Variants in NDUFAF4 observed in about 807,000 individuals in gnomAD.
The protein encoded by NDUFAF4 is NADH:ubiquinone oxidoreductase complex assembly factor 4.
Under a neutral mutation model 15.6 loss-of-function variants are expected in NDUFAF4, and 10 were observed. The observed-to-expected ratio is 0.64, with a 90% CI of 0.40 to 1.09. The LOEUF (loss-of-function observed/expected upper bound fraction) is 1.09. Among genes scored for constraint, NDUFAF4 ranks in the 50% least tolerant of loss-of-function variants. The pLI is 0.01. For synonymous variants in NDUFAF4, 77 were observed against 73.3 expected (o/e 1.05, Z -0.26); for missense variants, 203 against 207.3 (o/e 0.98, Z 0.13).
intron 2 of NDUFAF4, among the ~76,000 whole-genome samples, chr6:96,894,823 C>T (rs1775352179): frequency 6.6e-6 from 1 of 152,172 alleles, no homozygotes; most frequent in South Asian, 2.1e-4. Flanking sequence ...CAATTATACT[C>T]AAAATCCAAA....
intron 1 of NDUFAF4, among the ~76,000 whole-genome samples, chr6:96,897,259 T>A (rs1019032955): frequency 6.6e-6 from 1 of 152,160 alleles, no homozygotes; most frequent in Non-Finnish European, 1.5e-5. Context: ...ATAAACATAA[T>A]CATTTGGACT....
chr6:96,891,142 A>C lies in NDUFAF4; in HGVS notation c.490T>G (p.Phe164Val). 1 of 1,613,168 alleles carries C rather than the reference A, an allele frequency of 6.2e-7. No individual in the cohort carries two copies. The highest frequency in any genetic ancestry group is 8.5e-7 in the Non-Finnish European group (1 of 1,179,556). Residue 164 changes from phenylalanine (F) to valine (V), a missense_variant, in exon 3 of 3, where the codon TTC becomes GTC. Physicochemically the swap from Phe to Val is conservative, Grantham distance 50. Transcript: ENST00000316149. ...ATTGCTTTCTTGTCTTCAGGAGGGAAGATTTCGACTTCAAAAGTAACAAAA... is the reference window on the plus strand; with the variant it reads ...ATTGCTTTCTTGTCTTCAGGAGGGACGATTTCGACTTCAAAAGTAACAAAA... Reference protein sequence around the residue: ...KYFVTFEVEIFPPEDKKAIRS... With the variant: ...KYFVTFEVEIVPPEDKKAIRS...
chr6:96,895,876 G>GA (rs536813411), intron 2 of NDUFAF4, among the ~76,000 whole-genome samples: 14 of 149,294 alleles, frequency 9.4e-5, no homozygotes, highest in South Asian at 4.2e-4. Context: ...ATTTTAGAAT[G>GA]AAAAAAAAAA....
intron 2 of NDUFAF4, among the ~76,000 whole-genome samples, chr6:96,892,269 A>C (rs1406852011): frequency 1.3e-5 from 2 of 152,146 alleles, no homozygotes; most frequent in East Asian, 3.9e-4. Context: ...ACTCCAGTAT[A>C]AATAAAACAA....
chr6:96,895,720 TC>T (rs1431995316), intron 2 of NDUFAF4, among the ~76,000 whole-genome samples: 2 of 152,226 alleles, frequency 1.3e-5, no homozygotes, highest in Admixed American at 1.3e-4. Flanking sequence ...TATACTTTTT[TC>T]ATGTGAGCAT....
At position 96,890,917 on chromosome 6, in the gene NDUFAF4, T is replaced by C. The variant is rs1161981898; in HGVS notation, c.*187A>G. On this transcript the variant is annotated 3_prime_UTR_variant, in exon 3 of 3. Transcript: ENST00000316149. ...ACTTATGAAATATGCCTAAACCAAA[T>C]TAAAATAAAACAAAAGATATTCTAT... is the stretch of plus-strand genomic sequence containing the variant. The C allele has an allele frequency of 3.4e-6, 2 of 582,878 alleles. No homozygotes were observed. The highest frequency in any genetic ancestry group is 6.3e-5 in the Admixed American group (2 of 31,776). 36.1% of individuals were successfully genotyped at this position (582,878 alleles called of 1,614,324 possible).
intron 2 of NDUFAF4, among the ~76,000 whole-genome samples, chr6:96,892,716 G>A (rs1247863668): frequency 6.6e-6 from 1 of 151,900 alleles, no homozygotes; most frequent in African/African-American, 2.4e-5. Context: ...TTTTCCATCG[G>A]TTTTTTCAGT....
In NDUFAF4 at chr6:96,889,596, C is replaced by T. The variant is rs1288973333; in HGVS notation, c.*1508G>A. On this transcript the variant is annotated 3_prime_UTR_variant, in exon 3 of 3. Transcript: ENST00000316149. ...CACATAACAAATCTACATTCAAAGT[C>T]ATGCTTACAAATTTTCCACTTAGTC... The T allele has an allele frequency of 6.6e-6, 1 of 152,510 alleles. No individual in the cohort carries two copies. Among genetic ancestry groups the T allele is most frequent in the Non-Finnish European group, 1.5e-5 (1 of 67,996 alleles). The allele number at this position is 152,510 out of a possible 1,614,324, so 9.4% of individuals were successfully genotyped here. A position where few individuals can be genotyped will look rare whatever the true frequency, so the allele number is the denominator to read the frequency against.
intron 2 of NDUFAF4, among the ~76,000 whole-genome samples, chr6:96,892,561 A>T (rs1183417249): frequency 2.0e-5 from 3 of 152,030 alleles, no homozygotes. Context: ...GCTATCTCTA[A>T]TGACTGCCTA....
rs556700080 is a variant in NDUFAF4 at position 96,891,891 on chromosome 6, G to A, written c.241-500C>T. On this transcript the variant is annotated intron_variant, in intron 2 of 2. Coordinates refer to ENST00000316149, the MANE Select transcript of NDUFAF4 (RefSeq NM_014165.4). ...ATGGATTAACACAAATTCTATATACGATTTTCCAAACTTCATTTTCTTATT... is the reference window on the plus strand; with the variant it reads ...ATGGATTAACACAAATTCTATATACAATTTTCCAAACTTCATTTTCTTATT... 2.6e-5 allele frequency among the ~76,000 whole-genome samples: 4 copies of A among 151,892 alleles called. No individual in the cohort carries two copies. In the East Asian group the frequency reaches 5.8e-4, roughly 22 times the overall value.
intron 1 of NDUFAF4, among the ~76,000 whole-genome samples, chr6:96,897,460 C>A (rs1196522159): frequency 6.6e-6 from 1 of 152,160 alleles, no homozygotes; most frequent in African/African-American, 2.4e-5. Flanking sequence ...CGGAAGTAGG[C>A]GGGGCCGCCG....
At chr6:96,893,400 A>C (rs187830878) in intron 2 of NDUFAF4, among the ~76,000 whole-genome samples, 1 of 152,316 alleles carries the variant, frequency 6.6e-6, no homozygotes, top group East Asian at 1.9e-4. Context: ...AAGGGCCTTT[A>C]CGATCTGACC....
Position 96,891,679 on chromosome 6 carries a change from CT to C in NDUFAF4, c.241-289del, listed in dbSNP as rs556113209. 1.7e-3 allele frequency among the ~76,000 whole-genome samples: 256 copies of C among 151,952 alleles called. 1 individual carries two copies. In the South Asian group the frequency reaches 0.026, roughly 16 times the overall value. ...TGTGTAGCACCTCCCCCACACCCCG[CT>C]TCTGCTTGCTCTGGCAATATAAGCC... On this transcript the variant is annotated intron_variant, in intron 2 of 2. Coordinates refer to ENST00000316149, the MANE Select transcript of NDUFAF4 (RefSeq NM_014165.4).
rs369268980 is a variant in NDUFAF4, at chr6:96,896,857, G to A, written c.137-10C>T. On this transcript the variant is annotated splice_polypyrimidine_tract_variant and intron_variant, in intron 1 of 2. Transcript: ENST00000316149. ...TTAACTTCTGGATAGACTAAGGAAA[G>A]GAAAAAAGTCACAATATTAAAATCA... is the stretch of plus-strand genomic sequence containing the variant. 1.9e-4 allele frequency: 303 copies of A among 1,591,118 alleles called. No homozygotes were observed. The highest frequency in any genetic ancestry group is 2.5e-4 in the Non-Finnish European group (288 of 1,159,686).
At chr6:96,896,634 C>G (rs1248609645) in intron 2 of NDUFAF4, 110 bp downstream of exon 2, 2 of 894,622 alleles carry the variant, frequency 2.2e-6, no homozygotes, top group Non-Finnish European at 3.7e-6. Flanking sequence ...GTAGATTGAT[C>G]ACAACACACA....
At chr6:96,892,754 C>G (rs570440960) in intron 2 of NDUFAF4, among the ~76,000 whole-genome samples, 3 of 152,068 alleles carry the variant, frequency 2.0e-5, no homozygotes, top group South Asian at 2.1e-4. Flanking sequence ...ATTCATGGAC[C>G]CTTTTCCTTT....
chr6:96,893,997 C>T (rs909719519), intron 2 of NDUFAF4, among the ~76,000 whole-genome samples: 1 of 152,046 alleles, frequency 6.6e-6, no homozygotes, highest in Non-Finnish European at 1.5e-5. Flanking sequence ...CAACTGAAAA[C>T]CTAACAGAAA....
chr6:96,891,531 C>A, intron 2 of NDUFAF4, 140 bp from the exon 3 acceptor site: 2 of 880,630 alleles, frequency 2.3e-6, no homozygotes, highest in South Asian at 1.6e-5. Flanking sequence ...CTCATGTCAC[C>A]AAATTGTAGT....
At chr6:96,896,629 T>C (rs965690142) in intron 2 of NDUFAF4, 115 bp downstream of exon 2, 13 of 862,760 alleles carry the variant, frequency 1.5e-5, no homozygotes, top group African/African-American at 1.2e-4. Flanking sequence ...GGCGTGTAGA[T>C]TGATCACAAC....
Sources: allele counts gnomAD v4.1 joint callset (sites outside exome capture counted in the v4.1 genomes callset), GRCh38; gene constraint gnomAD v4.1.1; transcripts MANE v1.5; gene names NCBI Gene and HGNC (gene_info 2026-07-23, HGNC 2026-07-21).